Variants in FAT3 observed in about 807,000 individuals in gnomAD.
FAT3 encodes the protein protocadherin Fat 3.
Under a neutral mutation model 310.2 loss-of-function variants are expected in FAT3, and 95 were observed. That is an observed-to-expected ratio of 0.31 (90% confidence interval 0.26 to 0.36). The LOEUF (loss-of-function observed/expected upper bound fraction) is 0.36. Among genes scored for constraint, FAT3 ranks in the 10% least tolerant of loss-of-function variants. FAT3 has a pLI of 1.00. For missense variants in FAT3, 5,408 were observed against 5,715.6 expected, an observed-to-expected ratio of 0.95 and a Z score of 1.74; for synonymous variants, 2,314 against 2,192.9, an observed-to-expected ratio of 1.06 and a Z score of -1.54.
At chr11:92,304,619 A>C (rs1947075721) in intron 1 of FAT3, among the ~76,000 whole-genome samples, 1 of 152,124 alleles carries the variant, frequency 6.6e-6, no homozygotes, top group African/African-American at 2.4e-5. Flanking sequence ...GTGAAGAGGC[A>C]AAAATGACTG....
chr11:92,438,841 A>G (rs1003996593), intron 2 of FAT3, among the ~76,000 whole-genome samples: 1 of 152,176 alleles, frequency 6.6e-6, no homozygotes, highest in African/African-American at 2.4e-5. Flanking sequence ...TCCAAGTTGA[A>G]AGTAACTGGA....
rs1204096966 is a variant in FAT3, at chr11:92,890,751, C to T, written c.13408C>T (p.Gln4470Ter). The T allele has an allele frequency of 6.2e-7, 1 of 1,613,716 alleles. No homozygotes were observed. Among genetic ancestry groups the T allele is most frequent in the Non-Finnish European group, 8.5e-7 (1 of 1,179,860 alleles). Reference protein sequence around the residue: ...PDQYEALPPSQPVSLASTLSP... With the variant: ...PDQYEALPPS The stretch of plus-strand genomic sequence containing the variant: ...CCAATATGAGGCCCTGCCACCCTCC[C>T]AGCCTGTCTCCCTGGCCAGCACACT... Residue 4470 changes from glutamine (Q) to a stop codon, truncating the protein, a stop_gained, in exon 28 of 28, where the codon CAG becomes TAG. Transcript: ENST00000525166. LOFTEE classifies it high-confidence loss of function.
At chr11:92,346,989 T>C (rs1948438298) in intron 1 of FAT3, among the ~76,000 whole-genome samples, 1 of 152,242 alleles carries the variant, frequency 6.6e-6, no homozygotes, top group Non-Finnish European at 1.5e-5. Flanking sequence ...AACAATTATA[T>C]ACAATGTGCC....
chr11:92,752,163 G>A (rs1273471441), intron 4 of FAT3, among the ~76,000 whole-genome samples: 4 of 152,266 alleles, frequency 2.6e-5, no homozygotes, highest in African/African-American at 9.6e-5. Flanking sequence ...TAGCAGGAAA[G>A]CAGCCATAGA....
intron 22 of FAT3, among the ~76,000 whole-genome samples, chr11:92,878,659 A>C (rs1376469209): frequency 3.3e-5 from 3 of 91,760 alleles, no homozygotes; most frequent in African/African-American, 1.3e-4. Context: ...AAAAAAAAAA[A>C]AAAAAAAAGC....
At chr11:92,332,611 T>C (rs1054350790) in intron 1 of FAT3, among the ~76,000 whole-genome samples, 2 of 152,074 alleles carry the variant, frequency 1.3e-5, no homozygotes, top group South Asian at 2.1e-4. Flanking sequence ...AAACAGAAAC[T>C]AAAAACCCAT....
intron 2 of FAT3, among the ~76,000 whole-genome samples, chr11:92,505,378 C>T (rs1953069040): frequency 6.6e-6 from 1 of 152,112 alleles, no homozygotes. Flanking sequence ...TGATTCCTGG[C>T]TGTGGGTGTC....
At chr11:92,257,588 A>G (rs1378398521) in intron 1 of FAT3, among the ~76,000 whole-genome samples, 1 of 152,152 alleles carries the variant, frequency 6.6e-6, no homozygotes, top group Non-Finnish European at 1.5e-5. Flanking sequence ...TCAAGACTGT[A>G]AACTCCTGGC....
chr11:92,425,818 A>G lies in FAT3; in HGVS notation c.3292+70414A>G, dbSNP rs913862138. 2.0e-5 allele frequency among the ~76,000 whole-genome samples: 3 copies of G among 152,146 alleles called. No homozygotes were observed. In the South Asian group the frequency reaches 6.2e-4, roughly 31 times the overall value. On this transcript the variant is annotated intron_variant, in intron 2 of 27. Coordinates refer to ENST00000525166, the MANE Select transcript of FAT3 (RefSeq NM_001367949.2). ...TTTGGGTTGATTCCAAGCCTTTGCTATTGTGAACAGTGCTCCAGTAAACAT... is the reference window on the plus strand; with the variant it reads ...TTTGGGTTGATTCCAAGCCTTTGCTGTTGTGAACAGTGCTCCAGTAAACAT...
chr11:92,306,754 A>ATAATAT (rs1947149117), intron 1 of FAT3, among the ~76,000 whole-genome samples: 3 of 127,806 alleles, frequency 2.3e-5, no homozygotes, highest in Non-Finnish European at 4.7e-5. Flanking sequence ...AATATATATA[A>ATAATAT]ATATATATAT....
chr11:92,645,583 C>T (rs1942126609), intron 3 of FAT3, among the ~76,000 whole-genome samples: 1 of 150,322 alleles, frequency 6.7e-6, no homozygotes, highest in Non-Finnish European at 1.5e-5. Context: ...TCTGACTTGT[C>T]TTGTTAGTAA....
intron 3 of FAT3, among the ~76,000 whole-genome samples, chr11:92,682,501 A>C (rs1943508782): frequency 6.6e-6 from 1 of 152,174 alleles, no homozygotes; most frequent in African/African-American, 2.4e-5. Flanking sequence ...CACCTGCAAA[A>C]CATTGGATGC....
chr11:92,669,668 A>G (rs966730077), intron 3 of FAT3, among the ~76,000 whole-genome samples: 1 of 152,120 alleles, frequency 6.6e-6, no homozygotes, highest in Non-Finnish European at 1.5e-5. Context: ...GTATATCCAG[A>G]GGTGGGGTGG....
chr11:92,662,516 T>C (rs1942821599), intron 3 of FAT3, among the ~76,000 whole-genome samples: 1 of 152,206 alleles, frequency 6.6e-6, no homozygotes, highest in Non-Finnish European at 1.5e-5. Flanking sequence ...TTAGCCATAG[T>C]CAGAGTCACA....
intron 1 of FAT3, among the ~76,000 whole-genome samples, chr11:92,285,099 T>G (rs1421071774): frequency 6.6e-6 from 1 of 152,132 alleles, no homozygotes; most frequent in Non-Finnish European, 1.5e-5. Context: ...ATTAAATCAG[T>G]GAATATATCT....
chr11:92,882,742 G>A lies in FAT3; in HGVS notation c.12286G>A (p.Glu4096Lys), dbSNP rs1949701540. The change falls in exon 24 of 28, where the codon GAG (glutamate) becomes AAG (lysine). Residue 4096 changes from glutamate (E) to lysine (K), a missense_variant. This residue lies in a region of FAT3 where 649 missense variants were observed against 666.2 expected (regional missense o/e 0.97). Coordinates refer to ENST00000525166, the MANE Select transcript of FAT3 (RefSeq NM_001367949.2). The stretch of plus-strand genomic sequence containing the variant: ...GGGGCTTCTGTGTCGCCGCAGGTGT[G>A]AGGAGGACATCAATGAGTGCGAACG... ...CKAGLTGVTC[E>K]EDINECEREE... 3 of 1,598,424 alleles carry A rather than the reference G, an allele frequency of 1.9e-6. No homozygotes were observed. Among genetic ancestry groups the A allele is most frequent in the Non-Finnish European group, 2.6e-6 (3 of 1,170,594 alleles).
At chr11:92,455,208 G>T (rs1033577766) in intron 2 of FAT3, among the ~76,000 whole-genome samples, 2 of 152,170 alleles carry the variant, frequency 1.3e-5, no homozygotes, top group Non-Finnish European at 2.9e-5. Context: ...TGATTGTGAA[G>T]ATCATATAAT....
chr11:92,336,316 G>A (rs1948078493), intron 1 of FAT3: 1 of 450,048 alleles, frequency 2.2e-6, no homozygotes, highest in South Asian at 1.9e-5. Flanking sequence ...TTGTCCTCAG[G>A]ATCTGGGTCC....
At chr11:92,488,450 G>GCCACCC (rs1467231982) in intron 2 of FAT3, among the ~76,000 whole-genome samples, 4 of 9,366 alleles carry the variant, frequency 4.3e-4, no homozygotes, top group African/African-American at 7.7e-4. Flanking sequence ...AACTAGCACC[G>GCCACCC]CCCCCCCCCC....
Sources: gnomAD v4.1 joint callset for allele counts (sites outside exome capture counted in the v4.1 genomes callset) on GRCh38, gnomAD v4.1.1 for gene constraint, gnomAD v4.1.1 regional missense constraint, MANE v1.5 for transcripts, NCBI Gene and HGNC (gene_info 2026-07-23, HGNC 2026-07-21) for gene names.